ADCY5: variants seen among roughly 807,000 people sequenced by gnomAD.
ADCY5 encodes adenylate cyclase type 5.
A neutral mutation model predicts 119.7 loss-of-function variants in ADCY5; 30 were observed. The ratio of observed to expected loss-of-function variants is 0.25; its 90% confidence interval spans 0.19 to 0.34. ADCY5 has a LOEUF of 0.34. ADCY5 is among the 10% of genes least tolerant of loss of function. The pLI is 1.00. For missense variants in ADCY5, 1,324 were observed against 1,775.2 expected (o/e 0.75, Z 4.57); for synonymous variants, 753 against 762.2 (o/e 0.99, Z 0.20).
chr3:123,318,081 C>T lies in ADCY5; in HGVS notation c.2293G>A (p.Val765Met), dbSNP rs1941019960. 1 of 1,613,788 alleles carries T rather than the reference C, an allele frequency of 6.2e-7. No homozygotes were observed. The highest frequency in any genetic ancestry group is 8.5e-7 in the Non-Finnish European group (1 of 1,179,966). ...AGGAAGACGAGCGAGGCACACGCCA[C>T]ATAGGCACCAAATCGGTCGTCTACC... ...KQVDDRFGAY[V>M]ACASLVFLFI... is the part of the protein sequence containing the mutation. The change falls in exon 11 of 21, where the codon GTG becomes ATG. Residue 765 changes from valine to methionine, a missense_variant. This residue lies in a region of ADCY5 where 424 missense variants were observed against 546.8 expected (regional missense o/e 0.78). Transcript: ENST00000462833.
intron 12 of ADCY5, among the ~76,000 whole-genome samples, chr3:123,305,123 T>C (rs1940130412): frequency 6.6e-6 from 1 of 152,144 alleles, no homozygotes; most frequent in Non-Finnish European, 1.5e-5. Flanking sequence ...GCTTTTCCTG[T>C]GTGTTCCTGA....
At chr3:123,317,765 AAG>A (rs1940996763) in intron 11 of ADCY5, among the ~76,000 whole-genome samples, 1 of 151,618 alleles carries the variant, frequency 6.6e-6, no homozygotes, top group South Asian at 2.1e-4. Context: ...AAAAAAAAAA[AAG>A]AAGCATCTTT....
intron 3 of ADCY5, among the ~76,000 whole-genome samples, chr3:123,346,991 C>T (rs149164731): frequency 1.1e-3 from 162 of 152,284 alleles, no homozygotes; most frequent in African/African-American, 3.8e-3. Flanking sequence ...TCTAGGGAGG[C>T]GGCAAACACG....
intron 5 of ADCY5, among the ~76,000 whole-genome samples, chr3:123,330,424 G>C (rs904308744): frequency 6.6e-6 from 1 of 152,240 alleles, no homozygotes; most frequent in African/African-American, 2.4e-5. Context: ...TCTCTAAGCG[G>C]AACACCTGCA....
At chr3:123,367,923 C>G (rs1165523927) in intron 1 of ADCY5, 3 of 1,535,802 alleles carry the variant, frequency 2.0e-6, no homozygotes, top group Non-Finnish European at 2.6e-6. Context: ...GAGTGCGGAA[C>G]CTAGATGGGG....
intron 1 of ADCY5, among the ~76,000 whole-genome samples, chr3:123,362,945 C>A (rs536818180): frequency 6.6e-6 from 1 of 151,648 alleles, no homozygotes; most frequent in East Asian, 1.9e-4. Flanking sequence ...AGTTCGAGAC[C>A]AGCCTGGCCA....
chr3:123,311,790 T>TG (rs1460259073), intron 12 of ADCY5, among the ~76,000 whole-genome samples: 1 of 152,004 alleles, frequency 6.6e-6, no homozygotes, highest in Non-Finnish European at 1.5e-5. Context: ...GGTGTGGGAC[T>TG]GGGGGGACAG....
chr3:123,368,057 G>C (rs531854014), intron 1 of ADCY5: 4 of 1,453,336 alleles, frequency 2.8e-6, no homozygotes, highest in Non-Finnish European at 3.6e-6. Context: ...CTGGGGGAGA[G>C]AGGCAGGAAG....
chr3:123,408,387 G>A (rs1944959422), intron 1 of ADCY5, among the ~76,000 whole-genome samples: 1 of 151,366 alleles, frequency 6.6e-6, no homozygotes, highest in Non-Finnish European at 1.5e-5. Context: ...GCCGGGCACG[G>A]TGGCTCACGC....
intron 18 of ADCY5, among the ~76,000 whole-genome samples, chr3:123,290,319 C>A (rs1939064990): frequency 6.6e-6 from 1 of 152,224 alleles, no homozygotes; most frequent in African/African-American, 2.4e-5. Context: ...CTTTCCCTAC[C>A]CCCTGGCCCC....
intron 1 of ADCY5, among the ~76,000 whole-genome samples, chr3:123,433,293 T>G (rs1413442182): frequency 6.6e-6 from 1 of 152,074 alleles, no homozygotes; most frequent in Non-Finnish European, 1.5e-5. Flanking sequence ...TCAGCTGAGG[T>G]ACCAGAGCCA....
intron 17 of ADCY5, among the ~76,000 whole-genome samples, chr3:123,294,256 C>T (rs946474424): frequency 3.9e-5 from 6 of 152,138 alleles, no homozygotes; most frequent in African/African-American, 1.2e-4. Flanking sequence ...GCATTGCTAT[C>T]GGGCATTTCC....
chr3:123,433,237 T>G (rs564859476), intron 1 of ADCY5, among the ~76,000 whole-genome samples: 4 of 152,204 alleles, frequency 2.6e-5, no homozygotes, highest in Non-Finnish European at 5.9e-5. Flanking sequence ...AAGCCCACAC[T>G]GCTCACCCAG....
chr3:123,370,077 AG>A (rs1943579641), intron 1 of ADCY5, among the ~76,000 whole-genome samples: 1 of 152,162 alleles, frequency 6.6e-6, no homozygotes, highest in South Asian at 2.1e-4. Context: ...CTAATGCCAA[AG>A]GGTGAGCCAT....
In ADCY5 at chr3:123,318,130, G is replaced by T; in HGVS notation, c.2257-13C>A. Reference sequence around the variant, plus strand: ...CCTGCTTGGAGTACTGAGAGGAGACGGGCAGGGTGAGAGGGGCCAAGGTAC... The same window carrying T: ...CCTGCTTGGAGTACTGAGAGGAGACTGGCAGGGTGAGAGGGGCCAAGGTAC... On this transcript the variant is annotated splice_polypyrimidine_tract_variant and intron_variant, in intron 10 of 20. Coordinates refer to ENST00000462833, the MANE Select transcript of ADCY5 (RefSeq NM_183357.3). 1 of 1,608,472 alleles carries T rather than the reference G, an allele frequency of 6.2e-7. No homozygotes were observed. Among genetic ancestry groups the T allele is most frequent in the Non-Finnish European group, 8.5e-7 (1 of 1,176,186 alleles).
At chr3:123,317,890 A>C (rs1420835574) in intron 11 of ADCY5, 130 bp downstream of exon 11, 2 of 821,658 alleles carry the variant, frequency 2.4e-6, no homozygotes, top group Non-Finnish European at 3.9e-6. Context: ...GCACACTCAG[A>C]AACTTCTCTC....
chr3:123,392,983 T>C (rs1206538086), intron 1 of ADCY5, among the ~76,000 whole-genome samples: 3 of 152,210 alleles, frequency 2.0e-5, no homozygotes, highest in Non-Finnish European at 4.4e-5. Context: ...TGACTCTAAA[T>C]GCACTGAGCT....
At chr3:123,367,563 G>A (rs1314798620) in intron 1 of ADCY5, among the ~76,000 whole-genome samples, 3 of 152,112 alleles carry the variant, frequency 2.0e-5, no homozygotes, top group Admixed American at 6.5e-5. Context: ...CTCCTCTCCC[G>A]GAATATCAGG....
chr3:123,309,916 G>A (rs1940446257), intron 12 of ADCY5, among the ~76,000 whole-genome samples: 1 of 152,032 alleles, frequency 6.6e-6, no homozygotes, highest in East Asian at 1.9e-4. Context: ...CCAGCAAGGT[G>A]GGTTTAGCTA....
Sources: allele counts gnomAD v4.1 joint callset (sites outside exome capture counted in the v4.1 genomes callset), GRCh38; gene constraint gnomAD v4.1.1; regional missense constraint gnomAD v4.1.1; transcripts MANE v1.5; gene names NCBI Gene and HGNC (gene_info 2026-07-23, HGNC 2026-07-21).